PICALM: variants seen among roughly 807,000 people sequenced by gnomAD.
The protein encoded by PICALM is phosphatidylinositol binding clathrin assembly protein, also known as phosphatidylinositol-binding clathrin assembly protein.
In PICALM, 40 loss-of-function variants were observed where a neutral mutation model predicts 80.5. That is an observed-to-expected ratio of 0.50 (90% CI 0.39 to 0.65). The LOEUF (loss-of-function observed/expected upper bound fraction) is 0.65, where lower values mean the gene tolerates loss of function less well. PICALM is among the 30% of genes least tolerant of loss of function. PICALM has a pLI of 0.00. For missense variants in PICALM, 676 were observed against 778.9 expected (o/e 0.87, Z 1.57); for synonymous variants, 288 against 260.3 (o/e 1.11, Z -1.02).
intron 13 of PICALM, among the ~76,000 whole-genome samples, chr11:85,986,511 C>T (rs1253915044): frequency 2.6e-5 from 4 of 151,128 alleles, no homozygotes; most frequent in African/African-American, 9.7e-5. Flanking sequence ...CTGCCTCAGC[C>T]TCCCGAGTAG....
chr11:86,031,409 G>A (rs2095749752), intron 2 of PICALM, 60 bp downstream of exon 2: 3 of 1,366,892 alleles, frequency 2.2e-6, no homozygotes, highest in Non-Finnish European at 2.0e-6. Context: ...TTCAGTGAGA[G>A]AAGCTAGCTA....
intron 17 of PICALM, among the ~76,000 whole-genome samples, chr11:85,977,343 A>G (rs1242059559): frequency 6.6e-6 from 1 of 152,234 alleles, no homozygotes; most frequent in African/African-American, 2.4e-5. Flanking sequence ...TAAAAGAACC[A>G]TCTATCACTA....
chr11:86,042,022 T>C (rs1436856563), intron 1 of PICALM, among the ~76,000 whole-genome samples: 2 of 152,198 alleles, frequency 1.3e-5, no homozygotes, highest in African/African-American at 4.8e-5. Context: ...TATAAGAAAG[T>C]GTAAACCTAG....
At chr11:86,052,035 A>G (rs1355202241) in intron 1 of PICALM, among the ~76,000 whole-genome samples, 1 of 152,228 alleles carries the variant, frequency 6.6e-6, no homozygotes, top group Non-Finnish European at 1.5e-5. Flanking sequence ...TGTATGTCCT[A>G]ACTAAACCAA....
chr11:86,028,679 T>C (rs972675207), intron 2 of PICALM, among the ~76,000 whole-genome samples: 2 of 152,116 alleles, frequency 1.3e-5, no homozygotes, highest in Non-Finnish European at 2.9e-5. Flanking sequence ...TAAAAGTACC[T>C]ACCTGCCTCA....
chr11:86,022,694 T>TA (rs568972054), intron 3 of PICALM, among the ~76,000 whole-genome samples: 43 of 149,062 alleles, frequency 2.9e-4, no homozygotes, highest in East Asian at 5.9e-4. Flanking sequence ...TATGTAGTTT[T>TA]AAAAAAAAAA....
chr11:86,014,016 C>T (rs181723476), intron 5 of PICALM, among the ~76,000 whole-genome samples: 1 of 152,258 alleles, frequency 6.6e-6, no homozygotes, highest in Admixed American at 6.5e-5. Context: ...CATACAAAAA[C>T]AGGCAGTAAG....
At chr11:85,979,846 T>C in intron 17 of PICALM, among the ~76,000 whole-genome samples, 1 of 152,170 alleles carries the variant, frequency 6.6e-6, no homozygotes, top group East Asian at 1.9e-4. Flanking sequence ...GAAAGAATGC[T>C]TCAAACTTTT....
chr11:86,041,550 G>A (rs2095969204), intron 1 of PICALM, among the ~76,000 whole-genome samples: 1 of 149,554 alleles, frequency 6.7e-6, no homozygotes, highest in African/African-American at 2.4e-5. Flanking sequence ...AGAGAAGAAA[G>A]AATTCAGATA....
intron 19 of PICALM, among the ~76,000 whole-genome samples, chr11:85,961,282 A>G (rs1235176418): frequency 2.6e-5 from 4 of 152,146 alleles, no homozygotes; most frequent in Admixed American, 2.0e-4. Context: ...AGGTTCACAC[A>G]CTTTTTACAC....
rs141289884 is a variant in PICALM, at chr11:85,962,439, C to G, written c.1945-3379G>C. ...TCAGAAGTTTCCTATGATAGCCCCA[C>G]ACCGAAATACCTTCTTAAATCACGT... On this transcript the variant is annotated intron_variant, in intron 19 of 19. Transcript: ENST00000393346. 2.8e-3 allele frequency among the ~76,000 whole-genome samples: 422 copies of G among 152,330 alleles called. 4 individuals carry two copies. The highest frequency in any genetic ancestry group is 9.6e-3 in the African/African-American group (399 of 41,562).
chr11:86,036,133 T>A (rs541202416), intron 1 of PICALM, among the ~76,000 whole-genome samples: 1 of 152,196 alleles, frequency 6.6e-6, no homozygotes, highest in East Asian at 1.9e-4. Flanking sequence ...GGAACTTTTA[T>A]ATGAAGTATC....
At chr11:85,975,136 T>A (rs112931608) in intron 18 of PICALM, among the ~76,000 whole-genome samples, 1 of 152,196 alleles carries the variant, frequency 6.6e-6, no homozygotes, top group African/African-American at 2.4e-5. Flanking sequence ...ATTTATCAGG[T>A]TTAGACATCA....
chr11:86,052,917 G>C (rs532512838), intron 1 of PICALM, among the ~76,000 whole-genome samples: 1 of 152,182 alleles, frequency 6.6e-6, no homozygotes, highest in Non-Finnish European at 1.5e-5. Context: ...TCAGCTTCCT[G>C]TCTACAAATG....
intron 12 of PICALM, among the ~76,000 whole-genome samples, chr11:85,994,945 C>CT (rs1245937161): frequency 6.6e-6 from 1 of 152,238 alleles, no homozygotes; most frequent in Non-Finnish European, 1.5e-5. Context: ...CTCATGTGAT[C>CT]TGCCCACCTT....
rs1473687781 is a variant in PICALM, at chr11:85,981,882, G to T, written c.1638C>A (p.Asn546Lys). ...CCAAAGACTACTTACTGCCCACAAG[G>T]TTGGCTAAAGATGAATCCAAGTCAT... Reference protein sequence around the residue: ...VSDDLDSSLANLVGNLGIGNG... With the variant: ...VSDDLDSSLAKLVGNLGIGNG... Residue 546 changes from asparagine (N) to lysine (K), a missense_variant, in exon 15 of 20, where the codon AAC (asparagine) becomes AAA (lysine). By Grantham distance (94) the Asn-to-Lys change is moderately conservative. This residue lies in a region of PICALM where 391 missense variants were observed against 383.6 expected (regional missense o/e 1.02). Coordinates refer to ENST00000393346, the MANE Select transcript of PICALM (RefSeq NM_007166.4). 6.2e-7 allele frequency: 1 copy of T among 1,613,626 alleles called. No individual in the cohort carries two copies. The highest frequency in any genetic ancestry group is 1.3e-5 in the African/African-American group (1 of 74,908).
At chr11:85,986,318 T>C (rs1194481772) in intron 13 of PICALM, among the ~76,000 whole-genome samples, 2 of 150,256 alleles carry the variant, frequency 1.3e-5, no homozygotes, top group Non-Finnish European at 3.0e-5. Flanking sequence ...ATAATTTCAA[T>C]GCACATTATC....
At chr11:86,059,520 G>A (rs2096322972) in intron 1 of PICALM, among the ~76,000 whole-genome samples, 2 of 152,178 alleles carry the variant, frequency 1.3e-5, no homozygotes. Context: ...TTTAAAAGAG[G>A]CCGAGCATGG....
At chr11:86,058,180 T>C (rs919209620) in intron 1 of PICALM, among the ~76,000 whole-genome samples, 1 of 150,976 alleles carries the variant, frequency 6.6e-6, no homozygotes, top group Non-Finnish European at 1.5e-5. Flanking sequence ...ATGGCACACA[T>C]TCCTATTTCT....
Sources: allele counts gnomAD v4.1 joint callset (sites outside exome capture counted in the v4.1 genomes callset), GRCh38; gene constraint gnomAD v4.1.1; regional missense constraint gnomAD v4.1.1; transcripts MANE v1.5; gene names NCBI Gene and HGNC (gene_info 2026-07-23, HGNC 2026-07-21).